The following NBAS variants were observed in gnomAD, a reference collection of about 807,000 sequenced individuals.
The protein encoded by NBAS is NBAS subunit of NRZ tethering complex, also known as NAG/BC035112 fusion.
Under a neutral mutation model 302.5 loss-of-function variants are expected in NBAS, and 219 were observed. The observed-to-expected ratio is 0.72, with a 90% confidence interval of 0.65 to 0.81. NBAS has a LOEUF of 0.81. Among genes scored for constraint, NBAS ranks in the 30% least tolerant of loss-of-function variants. NBAS has a pLI of 0.00. For synonymous variants in NBAS, 1,118 were observed against 1,021.6 expected, an observed-to-expected ratio of 1.09 and a Z score of -1.80; for missense variants, 2,932 against 2,841.6, an observed-to-expected ratio of 1.03 and a Z score of -0.72.
At position 15,487,453 on chromosome 2, in the gene NBAS, C is replaced by T. The variant is rs570622553; in HGVS notation, c.1083+1441G>A. 2.6e-5 allele frequency among the ~76,000 whole-genome samples: 4 copies of T among 152,308 alleles called. No individual in the cohort carries two copies. In the South Asian group the frequency reaches 8.3e-4, roughly 32 times the overall value. ...CTGGACCCACCTATACAAAAAGTCA[C>T]CTACCCTATCCACAGATGTGACATT... On this transcript the variant is annotated intron_variant, in intron 12 of 51. Coordinates refer to ENST00000281513, the MANE Select transcript of NBAS (RefSeq NM_015909.4).
intron 9 of NBAS, among the ~76,000 whole-genome samples, chr2:15,511,983 G>A (rs1400580441): frequency 2.6e-5 from 4 of 152,144 alleles, no homozygotes; most frequent in East Asian, 3.9e-4. Flanking sequence ...AATTAATAAC[G>A]AAACCCCAAC....
chr2:14,972,053 A>G, the NBAS span, among the ~76,000 whole-genome samples: 1 of 149,302 alleles, frequency 6.7e-6, no homozygotes, highest in African/African-American at 2.5e-5. Context: ...ATGTACAGAG[A>G]AAAAAAAAAT....
At chr2:15,277,230 C>T (rs1669627728) in intron 42 of NBAS, 129 bp from the exon 43 acceptor site, 1 of 1,179,508 alleles carries the variant, frequency 8.5e-7, no homozygotes. Context: ...GACAGTAAAC[C>T]ACCACCAGAA....
At chr2:14,801,660 G>T in the NBAS span, among the ~76,000 whole-genome samples, 1 of 151,588 alleles carries the variant, frequency 6.6e-6, no homozygotes, top group Non-Finnish European at 1.5e-5. Flanking sequence ...TTTATTATGG[G>T]TTATATTTTT....
intron 21 of NBAS, among the ~76,000 whole-genome samples, chr2:15,434,337 C>T (rs1302952111): frequency 6.6e-6 from 1 of 152,088 alleles, no homozygotes; most frequent in Non-Finnish European, 1.5e-5. Context: ...CTGACCTCCA[C>T]CAGTACCACT....
the NBAS span, among the ~76,000 whole-genome samples, chr2:14,927,225 G>C: frequency 1.3e-5 from 2 of 152,178 alleles, no homozygotes. Context: ...CCTCCACAAT[G>C]ACGTGAGTCA....
Position 15,234,699 on chromosome 2 carries a change from T to C in NBAS, c.5992A>G (p.Lys1998Glu). The change falls in exon 46 of 52, where the codon AAA (lysine) becomes GAA (glutamate). Residue 1998 changes from lysine to glutamate, a missense_variant. Coordinates refer to ENST00000281513, the MANE Select transcript of NBAS (RefSeq NM_015909.4). ...SHLYDLSRSE[K>E]EKLHDEAVAI... ...ACAGCTTCATCATGAAGTTTCTCTTTTTCTGATCGGGACAGATCATAGAGG... is the reference window on the plus strand; with the variant it reads ...ACAGCTTCATCATGAAGTTTCTCTTCTTCTGATCGGGACAGATCATAGAGG... The C allele has an allele frequency of 6.2e-7, 1 of 1,614,194 alleles. No homozygotes were observed. The highest frequency in any genetic ancestry group is 8.5e-7 in the Non-Finnish European group (1 of 1,180,006).
the NBAS span, among the ~76,000 whole-genome samples, chr2:14,811,954 A>G: frequency 6.6e-6 from 1 of 152,228 alleles, no homozygotes; most frequent in Admixed American, 6.5e-5. Flanking sequence ...TTAGTTACTC[A>G]ATAGGAAATC....
At chr2:14,854,060 C>T in the NBAS span, among the ~76,000 whole-genome samples, 7 of 146,612 alleles carry the variant, frequency 4.8e-5, no homozygotes, top group Non-Finnish European at 1.0e-4. Context: ...TACCCTAAAA[C>T]TTAAAGTATA....
chr2:15,003,167 A>C, the NBAS span, among the ~76,000 whole-genome samples: 11 of 152,234 alleles, frequency 7.2e-5, no homozygotes, highest in African/African-American at 2.7e-4. Context: ...AGCAGAAGTC[A>C]AGGCAGGCTT....
At chr2:14,936,538 A>G in the NBAS span, among the ~76,000 whole-genome samples, 1 of 152,206 alleles carries the variant, frequency 6.6e-6, no homozygotes, top group African/African-American at 2.4e-5. Context: ...ACAGTGTTCT[A>G]CAGAGGGCAT....
intron 35 of NBAS, among the ~76,000 whole-genome samples, chr2:15,331,624 G>A (rs1039580606): frequency 3.9e-5 from 6 of 152,172 alleles, no homozygotes; most frequent in Non-Finnish European, 7.3e-5. Context: ...TCTATATCAT[G>A]TTATTCATTA....
the NBAS span, among the ~76,000 whole-genome samples, chr2:15,130,678 G>A: frequency 6.6e-6 from 1 of 152,248 alleles, no homozygotes; most frequent in Non-Finnish European, 1.5e-5. Flanking sequence ...ACTATGCCAT[G>A]CTGCCTTTCT....
intron 40 of NBAS, among the ~76,000 whole-genome samples, chr2:15,303,111 T>C (rs890048437): frequency 6.6e-6 from 1 of 152,170 alleles, no homozygotes; most frequent in African/African-American, 2.4e-5. Flanking sequence ...GAATTCATCA[T>C]TGTGGGTAGT....
In NBAS at chr2:15,327,634, CA is replaced by C. The variant is rs1230904893; in HGVS notation, c.4582+115del. 6.6e-6 allele frequency: 8 copies of C among 1,219,188 alleles called. No homozygotes were observed. In the African/African-American group the frequency reaches 1.1e-4, roughly 16 times the overall value. The allele number at this position is 1,219,188 out of a possible 1,614,324, so 75.5% of individuals were successfully genotyped here. A position where few individuals can be genotyped will look rare whatever the true frequency, so the allele number is the denominator to read the frequency against. On this transcript the variant is annotated intron_variant, in intron 38 of 51. Coordinates refer to ENST00000281513, the MANE Select transcript of NBAS (RefSeq NM_015909.4). ...GAACGAATGATGATGTCAAGTTATGCAATTCAAAATTACTGAAAAATTTCTT... is the reference window on the plus strand; with the variant it reads ...GAACGAATGATGATGTCAAGTTATGCATTCAAAATTACTGAAAAATTTCTT...
the NBAS span, among the ~76,000 whole-genome samples, chr2:14,859,956 A>G: frequency 1.6e-4 from 24 of 152,238 alleles, no homozygotes; most frequent in African/African-American, 5.5e-4. Flanking sequence ...AATAATTAGT[A>G]TATATAAGGA....
chr2:15,277,265 A>G (rs1314573304), intron 42 of NBAS, among the ~76,000 whole-genome samples, 164 bp from the exon 43 acceptor site: 1 of 152,154 alleles, frequency 6.6e-6, no homozygotes, highest in African/African-American at 2.4e-5. Context: ...ATAAAGGAAA[A>G]CAAATGTGTT....
At chr2:15,032,718 C>G in the NBAS span, among the ~76,000 whole-genome samples, 4 of 152,136 alleles carry the variant, frequency 2.6e-5, no homozygotes, top group Admixed American at 1.3e-4. Context: ...AGGAGATTCC[C>G]ATGGGTGTGA....
intron 41 of NBAS, among the ~76,000 whole-genome samples, chr2:15,287,646 G>A (rs1439639942): frequency 8.1e-5 from 12 of 148,260 alleles, no homozygotes; most frequent in Non-Finnish European, 1.6e-4. Flanking sequence ...CCCCCTGTAG[G>A]CACCCCGAGC....
Sources: allele counts gnomAD v4.1 joint callset (sites outside exome capture counted in the v4.1 genomes callset), GRCh38; gene constraint gnomAD v4.1.1; transcripts MANE v1.5; gene names NCBI Gene and HGNC (gene_info 2026-07-23, HGNC 2026-07-21).